Variants in FRMD5 observed in about 807,000 individuals in gnomAD.
The protein encoded by FRMD5 is FERM domain-containing protein 5.
Under a neutral mutation model 69.0 loss-of-function variants are expected in FRMD5, and 20 were observed. The observed-to-expected ratio is 0.29, with a 90% CI of 0.20 to 0.42. The LOEUF (loss-of-function observed/expected upper bound fraction) is 0.42, where lower values mean the gene tolerates loss of function less well. FRMD5 is among the 10% of genes least tolerant of loss of function. FRMD5 has a pLI of 1.00. For synonymous variants in FRMD5, 271 were observed against 260.1 expected, an observed-to-expected ratio of 1.04 and a Z score of -0.40; for missense variants, 595 against 708.6, an observed-to-expected ratio of 0.84 and a Z score of 1.82.
intron 1 of FRMD5, among the ~76,000 whole-genome samples, chr15:44,182,493 C>T (rs1312012539): frequency 6.6e-6 from 1 of 151,796 alleles, no homozygotes; most frequent in African/African-American, 2.4e-5. Context: ...CCATGCTTGG[C>T]TAATTTTTTG....
intron 1 of FRMD5, among the ~76,000 whole-genome samples, chr15:44,187,139 G>A (rs566054605): frequency 6.6e-6 from 1 of 152,120 alleles, no homozygotes; most frequent in Non-Finnish European, 1.5e-5. Flanking sequence ...TTTTTTGTCA[G>A]ATGATTAAAC....
chr15:44,104,517 A>G (rs1158718519), intron 1 of FRMD5, among the ~76,000 whole-genome samples: 1 of 152,198 alleles, frequency 6.6e-6, no homozygotes, highest in Admixed American at 6.5e-5. Flanking sequence ...ATTCATGGTA[A>G]GTGTCCCATA....
At chr15:44,093,019 C>T (rs1238137650) in intron 1 of FRMD5, among the ~76,000 whole-genome samples, 2 of 148,946 alleles carry the variant, frequency 1.3e-5, no homozygotes, top group Non-Finnish European at 3.0e-5. Flanking sequence ...ACAACCTCTG[C>T]CTCCCGGGTT....
chr15:44,065,206 C>A (rs993476761), intron 1 of FRMD5, among the ~76,000 whole-genome samples: 2 of 152,104 alleles, frequency 1.3e-5, no homozygotes, highest in Non-Finnish European at 2.9e-5. Context: ...TAGTGTCTAC[C>A]CCTTAGTAAG....
intron 1 of FRMD5, among the ~76,000 whole-genome samples, chr15:43,950,177 T>A (rs1277887132): frequency 6.6e-6 from 1 of 152,218 alleles, no homozygotes; most frequent in Admixed American, 6.5e-5. Flanking sequence ...GTGCAGCCTC[T>A]GAAGAAACCC....
At chr15:43,941,791 A>G (rs1346442097) in intron 1 of FRMD5, among the ~76,000 whole-genome samples, 1 of 152,214 alleles carries the variant, frequency 6.6e-6, no homozygotes, top group Admixed American at 6.5e-5. Flanking sequence ...AGCTGCACCT[A>G]AACACTAACT....
At chr15:44,041,573 A>G (rs1020288726) in intron 1 of FRMD5, among the ~76,000 whole-genome samples, 28 of 152,220 alleles carry the variant, frequency 1.8e-4, no homozygotes, top group African/African-American at 6.5e-4. Context: ...AAATCATAAC[A>G]AACAGTCTCT....
At chr15:44,023,875 A>G (rs532905999) in intron 1 of FRMD5, among the ~76,000 whole-genome samples, 61 of 152,334 alleles carry the variant, frequency 4.0e-4, no homozygotes, top group African/African-American at 1.5e-3. Context: ...AATCAGCATG[A>G]TATCAAGAAA....
chr15:44,093,636 C>T (rs772305057), intron 1 of FRMD5, among the ~76,000 whole-genome samples: 1 of 151,358 alleles, frequency 6.6e-6, no homozygotes, highest in Non-Finnish European at 1.5e-5. Context: ...GCAGTGGCGC[C>T]GTCTCAGCTC....
intron 1 of FRMD5, among the ~76,000 whole-genome samples, chr15:44,122,490 G>A (rs1456412209): frequency 6.6e-6 from 1 of 152,036 alleles, no homozygotes; most frequent in Non-Finnish European, 1.5e-5. Flanking sequence ...GAGGCAGGAA[G>A]ATCGCTTGAG....
At chr15:43,962,124 T>G (rs2090212314) in intron 1 of FRMD5, among the ~76,000 whole-genome samples, 1 of 152,216 alleles carries the variant, frequency 6.6e-6, no homozygotes, top group African/African-American at 2.4e-5. Flanking sequence ...TGTCCCTGTT[T>G]GCAGATGACA....
intron 6 of FRMD5, 33 bp from the exon 7 acceptor site, chr15:43,902,295 G>A (rs1208431349): frequency 1.3e-6 from 2 of 1,559,044 alleles, no homozygotes; most frequent in Admixed American, 3.3e-5. Context: ...ATTTCAAGGT[G>A]TCTTGTTCCC....
chr15:43,984,580 T>A (rs1022925560), intron 1 of FRMD5, among the ~76,000 whole-genome samples: 20 of 152,226 alleles, frequency 1.3e-4, no homozygotes, highest in Non-Finnish European at 2.8e-4. Flanking sequence ...TCTCTTCAGA[T>A]ATTATTGCAC....
At position 43,873,247 on chromosome 15, in the gene FRMD5, G is replaced by GGAAAA; in HGVS notation, c.*633_*637dup. ...TCTGCTCAGATTTGAAAAAACAAAA[G>GGAAAA]GAAAAGAAAATCCAACTCAGACCAT... On this transcript the variant is annotated 3_prime_UTR_variant, in exon 14 of 14. Coordinates refer to ENST00000417257, the MANE Select transcript of FRMD5 (RefSeq NM_032892.5). The GGAAAA allele has an allele frequency of 1.3e-6, 2 of 1,548,380 alleles. No homozygotes were observed. The highest frequency in any genetic ancestry group is 1.7e-6 in the Non-Finnish European group (2 of 1,146,264).
chr15:43,975,761 T>C (rs2090452955), intron 1 of FRMD5, among the ~76,000 whole-genome samples: 1 of 152,180 alleles, frequency 6.6e-6, no homozygotes, highest in African/African-American at 2.4e-5. Flanking sequence ...TTGTAGAAAC[T>C]AGCAAATGAA....
chr15:44,061,671 T>C (rs1270316863), intron 1 of FRMD5, among the ~76,000 whole-genome samples: 2 of 152,214 alleles, frequency 1.3e-5, no homozygotes, highest in Non-Finnish European at 2.9e-5. Flanking sequence ...TGTTAACTTT[T>C]CAAAAACTAT....
intron 1 of FRMD5, among the ~76,000 whole-genome samples, chr15:44,015,804 A>C (rs1890932212): frequency 6.6e-6 from 1 of 152,242 alleles, no homozygotes; most frequent in Non-Finnish European, 1.5e-5. Context: ...ACTTACAGAT[A>C]GATGGCTTGC....
chr15:44,179,727 G>A (rs1177471155), intron 1 of FRMD5, among the ~76,000 whole-genome samples: 5 of 152,140 alleles, frequency 3.3e-5, no homozygotes, highest in Admixed American at 6.5e-5. Context: ...AGGGGCTGGC[G>A]GGATCATCTA....
intron 1 of FRMD5, among the ~76,000 whole-genome samples, chr15:43,988,100 G>A (rs1022518559): frequency 6.6e-6 from 1 of 152,108 alleles, no homozygotes. Flanking sequence ...ACAGGAGGTG[G>A]AACTCAGGTG....
Sources: gnomAD v4.1 joint callset for allele counts (sites outside exome capture counted in the v4.1 genomes callset) on GRCh38, gnomAD v4.1.1 for gene constraint, MANE v1.5 for transcripts, NCBI Gene and HGNC (gene_info 2026-07-23, HGNC 2026-07-21) for gene names.